Variants in TCOF1 observed in about 807,000 individuals in gnomAD.
TCOF1 encodes the protein treacle protein.
Under a neutral mutation model 149.0 loss-of-function variants are expected in TCOF1, and 33 were observed. The observed-to-expected ratio is 0.22, with a 90% CI of 0.17 to 0.30. TCOF1 has a LOEUF of 0.30. Ranked by LOEUF, TCOF1 falls within the 10% of genes least tolerant of loss-of-function variation. The probability of loss-of-function intolerance (pLI) is 1.00; values close to 1 mark genes in which losing one functional copy is unlikely to be tolerated. For missense variants in TCOF1, 1,728 were observed against 1,840.7 expected (o/e 0.94, Z 1.12); for synonymous variants, 789 against 738.8 (o/e 1.07, Z -1.10).
chr5:150,396,540 G>A lies in TCOF1; in HGVS notation c.4043G>A (p.Arg1348Gln), dbSNP rs1464731247. The change falls in exon 24 of 27, where the codon CGG becomes CAG. Residue 1348 changes from arginine (R) to glutamine (Q), a missense_variant. This residue lies in a region of TCOF1 where 1,696 missense variants were observed against 1,765.4 expected (regional missense o/e 0.96). Coordinates refer to ENST00000643257, the MANE Select transcript of TCOF1 (RefSeq NM_001371623.1). ...SSRKGWESRK[R>Q]KLSGDQPAAR... ...AGGAAGGGCTGGGAGAGCCGCAAGC[G>A]GAAGCTATCGGGAGACCAGCCAGCT... is the stretch of plus-strand genomic sequence containing the variant. 6.3e-6 allele frequency: 10 copies of A among 1,597,048 alleles called. No individual in the cohort carries two copies. Among genetic ancestry groups the A allele is most frequent in the Non-Finnish European group, 7.7e-6 (9 of 1,171,984 alleles).
In TCOF1 at chr5:150,357,701, A is replaced by G. The variant is rs745778459; in HGVS notation, c.-46A>G. The G allele has an allele frequency of 1.8e-4, 269 of 1,487,524 alleles. No homozygotes were observed. The highest frequency in any genetic ancestry group is 6.8e-4 in the South Asian group (54 of 78,896). 92.1% of individuals were successfully genotyped at this position (1,487,524 alleles called of 1,614,324 possible). ...GGCGCGAGGGAAGTGGCGGGCGGGG[A>G]CTAAGGCGGGGCGTGCAGGTAGCCG... On this transcript the variant is annotated 5_prime_UTR_variant, in exon 1 of 27. Coordinates refer to ENST00000643257, the MANE Select transcript of TCOF1 (RefSeq NM_001371623.1).
intron 1 of TCOF1, among the ~76,000 whole-genome samples, chr5:150,359,793 AG>A (rs1759608605): frequency 6.6e-6 from 1 of 152,204 alleles, no homozygotes; most frequent in Admixed American, 6.5e-5. Context: ...AAGTTTAATA[AG>A]TTAATGATAT....
At position 150,375,831 on chromosome 5, in the gene TCOF1, G is replaced by C. The variant is rs1562357518; in HGVS notation, c.1815G>C (p.Met605Ile). ...TCCAGGTCAAGGCTGAAAAGCCCAT[G>C]GACAACTCGGAGAGCAGCGAGGAGT... ...VAVQVKAEKP[M>I]DNSESSEESS... The change falls in exon 12 of 27, where the codon ATG becomes ATC. Residue 605 changes from methionine (M) to isoleucine (I), a missense_variant. Physicochemically the swap from Met to Ile is conservative, Grantham distance 10. Transcript: ENST00000643257. 2 of 1,614,240 alleles carry C rather than the reference G, an allele frequency of 1.2e-6. No homozygotes were observed. Among genetic ancestry groups the C allele is most frequent in the Non-Finnish European group, 1.7e-6 (2 of 1,180,048 alleles).
In TCOF1 at chr5:150,376,128, A is replaced by G. The variant is rs1562360938; in HGVS notation, c.1940A>G (p.Lys647Arg). 6.2e-7 allele frequency: 1 copy of G among 1,614,224 alleles called. No homozygotes were observed. The highest frequency in any genetic ancestry group is 8.5e-7 in the Non-Finnish European group (1 of 1,180,040). ...KIPQTKACPK[K>R]TNTTASAKVA... ...CCTCAGACCAAGGCCTGCCCAAAGA[A>G]AACCAATACCACTGCATCTGCCAAG... Residue 647 changes from lysine (K) to arginine (R), a missense_variant, in exon 13 of 27, where the codon AAA (lysine) becomes AGA (arginine). By Grantham distance (26) the Lys-to-Arg change is conservative. Transcript: ENST00000643257.
chr5:150,378,789 A>T, intron 14 of TCOF1, 116 bp from the exon 15 acceptor site: 1 of 1,463,052 alleles, frequency 6.8e-7, no homozygotes, highest in Non-Finnish European at 9.6e-7. Flanking sequence ...TCACACGCCT[A>T]TTGCATGGAG....
In TCOF1 at chr5:150,379,301, G is replaced by T; in HGVS notation, c.2551G>T (p.Gly851Trp). Reference sequence around the variant, plus strand: ...GGGCCCAGCATCTGTGCCATCTGTGGGGAAGGCCGTGGCTACAGCAGCTCA... The same window carrying T: ...GGGCCCAGCATCTGTGCCATCTGTGTGGAAGGCCGTGGCTACAGCAGCTCA... ...ARGPASVPSV[G>W]KAVATAAQAQ... Residue 851 changes from glycine (G) to tryptophan (W), a missense_variant, in exon 16 of 27, where the codon GGG becomes TGG. Coordinates refer to ENST00000643257, the MANE Select transcript of TCOF1 (RefSeq NM_001371623.1). 1 of 1,614,236 alleles carries T rather than the reference G, an allele frequency of 6.2e-7. No individual in the cohort carries two copies. The highest frequency in any genetic ancestry group is 8.5e-7 in the Non-Finnish European group (1 of 1,180,038).
intron 1 of TCOF1, among the ~76,000 whole-genome samples, chr5:150,360,004 C>T (rs1460975184): frequency 1.3e-5 from 2 of 152,054 alleles, no homozygotes; most frequent in South Asian, 2.1e-4. Context: ...ATAGCAAGGC[C>T]GCGTTAGAGG....
At position 150,375,766 on chromosome 5, in the gene TCOF1, C is replaced by G. The variant is rs1325176758; in HGVS notation, c.1750C>G (p.Pro584Ala). The G allele has an allele frequency of 6.2e-7, 1 of 1,614,140 alleles. No homozygotes were observed. The highest frequency in any genetic ancestry group is 1.3e-5 in the African/African-American group (1 of 74,946). The change falls in exon 12 of 27, where the codon CCT becomes GCT. Residue 584 changes from proline (P) to alanine (A), a missense_variant. Pro to Ala is a conservative substitution (Grantham distance 27, BLOSUM62 -1). Coordinates refer to ENST00000643257, the MANE Select transcript of TCOF1 (RefSeq NM_001371623.1). ...NILQAKPTSS[P>A]AKGPPQKAGP... ...CCTCCAGGCCAAACCCACCTCCAGT[C>G]CTGCCAAGGGGCCCCCTCAGAAGGC...
chr5:150,383,895 T>C, intron 17 of TCOF1: 1 of 1,532,588 alleles, frequency 6.5e-7, no homozygotes, highest in East Asian at 2.5e-5. Flanking sequence ...TATCTTCCTG[T>C]ACTCCAGAGG....
Position 150,357,731 on chromosome 5 carries a change from G to A in TCOF1, c.-16G>A, listed in dbSNP as rs1758927483. The stretch of plus-strand genomic sequence containing the variant: ...GGCGGGGCGTGCAGGTAGCCGGCCG[G>A]CCGGGGGTCGCGGGTATGGCCGAGG... On this transcript the variant is annotated 5_prime_UTR_variant, in exon 1 of 27. Coordinates refer to ENST00000643257, the MANE Select transcript of TCOF1 (RefSeq NM_001371623.1). 2 of 1,546,996 alleles carry A rather than the reference G, an allele frequency of 1.3e-6. No individual in the cohort carries two copies.
At chr5:150,369,678 C>A in intron 6 of TCOF1, 76 bp downstream of exon 6, 1 of 1,508,842 alleles carries the variant, frequency 6.6e-7, no homozygotes, top group Non-Finnish European at 9.1e-7. Flanking sequence ...GGGCTTCAGA[C>A]ACCAGTGGGC....
At chr5:150,398,041 G>GC (rs1193865241) in intron 24 of TCOF1, among the ~76,000 whole-genome samples, 4 of 152,166 alleles carry the variant, frequency 2.6e-5, no homozygotes, top group African/African-American at 7.2e-5. Flanking sequence ...TCTTGCTTCA[G>GC]CCCCCCAAAT....
intron 19 of TCOF1, among the ~76,000 whole-genome samples, chr5:150,390,727 G>A (rs1432638505): frequency 6.6e-6 from 1 of 152,116 alleles, no homozygotes; most frequent in Non-Finnish European, 1.5e-5. Context: ...ACAAGCTCCA[G>A]GTCAAAAACT....
chr5:150,393,624 C>G, intron 23 of TCOF1, 72 bp downstream of exon 23: 2 of 1,588,514 alleles, frequency 1.3e-6, no homozygotes, highest in Non-Finnish European at 1.7e-6. Flanking sequence ...TCTTGCCCTC[C>G]TGTAGCAACA....
chr5:150,357,729 C>T lies in TCOF1; in HGVS notation c.-18C>T. ...AAGGCGGGGCGTGCAGGTAGCCGGC[C>T]GGCCGGGGGTCGCGGGTATGGCCGA... On this transcript the variant is annotated 5_prime_UTR_variant, in exon 1 of 27. Coordinates refer to ENST00000643257, the MANE Select transcript of TCOF1 (RefSeq NM_001371623.1). The T allele has an allele frequency of 1.3e-6, 2 of 1,545,862 alleles. No individual in the cohort carries two copies. Among genetic ancestry groups the T allele is most frequent in the Middle Eastern group, 1.9e-4 (1 of 5,226 alleles).
In TCOF1 at chr5:150,392,748, C is replaced by A. The variant is rs367577679; in HGVS notation, c.3561C>A (p.Thr1187=). 6.2e-7 allele frequency: 1 copy of A among 1,613,958 alleles called. No individual in the cohort carries two copies. Among genetic ancestry groups the A allele is most frequent in the African/African-American group, 1.3e-5 (1 of 74,926 alleles). The part of the protein sequence containing the change: ...PSRTETLVEE[T]AAESSEDDVV... The stretch of plus-strand genomic sequence containing the variant: ...GGACAGAGACCCTGGTGGAGGAGAC[C>A]GCAGCAGAGTCCAGCGAGGATGATG... Residue 1187 remains threonine, a synonymous_variant, in exon 22 of 27, where the codon ACC becomes ACA. Coordinates refer to ENST00000643257, the MANE Select transcript of TCOF1 (RefSeq NM_001371623.1).
At chr5:150,383,956 C>G in intron 17 of TCOF1, 2 of 1,446,940 alleles carry the variant, frequency 1.4e-6, no homozygotes, top group Non-Finnish European at 1.8e-6. Context: ...AACCCTGGCC[C>G]TTCCATCAGA....
At chr5:150,360,801 A>G (rs1188639702) in intron 1 of TCOF1, among the ~76,000 whole-genome samples, 1 of 151,168 alleles carries the variant, frequency 6.6e-6, no homozygotes, top group Non-Finnish European at 1.5e-5. Context: ...CGGTGGCACA[A>G]GCATGGCTCA....
chr5:150,358,705 C>T (rs144144826), intron 1 of TCOF1, among the ~76,000 whole-genome samples: 1,968 of 152,208 alleles, frequency 0.013, 50 homozygotes, highest in African/African-American at 0.045. Flanking sequence ...GGCATGTTGG[C>T]GCACGCCTGT....
Sources: gnomAD v4.1 joint callset for allele counts (sites outside exome capture counted in the v4.1 genomes callset) on GRCh38, gnomAD v4.1.1 for gene constraint, gnomAD v4.1.1 regional missense constraint, MANE v1.5 for transcripts, NCBI Gene and HGNC (gene_info 2026-07-23, HGNC 2026-07-21) for gene names.